The following CPNE4 variants were observed in gnomAD, a reference collection of about 807,000 sequenced individuals.
The protein encoded by CPNE4 is copine 4.
CPNE4 carries 25 observed loss-of-function variants against 67.9 expected under a neutral mutation model. The observed-to-expected ratio is 0.37, with a 90% CI of 0.27 to 0.51. The LOEUF (loss-of-function observed/expected upper bound fraction) is 0.51. Among genes scored for constraint, CPNE4 ranks in the 20% least tolerant of loss-of-function variants. The probability of loss-of-function intolerance (pLI) is 0.93; values close to 1 mark genes in which losing one functional copy is unlikely to be tolerated. For synonymous variants in CPNE4, 242 were observed against 244.9 expected (o/e 0.99, Z 0.11); for missense variants, 464 against 690.8 (o/e 0.67, Z 3.68).
At chr3:131,935,526 A>G (rs1422100156) in intron 1 of CPNE4, among the ~76,000 whole-genome samples, 1 of 152,142 alleles carries the variant, frequency 6.6e-6, no homozygotes, top group Non-Finnish European at 1.5e-5. Context: ...TAAAGAAGGC[A>G]AGGAGCCAAG....
intron 6 of CPNE4, among the ~76,000 whole-genome samples, chr3:131,670,805 T>G (rs2080391669): frequency 1.9e-5 from 1 of 51,902 alleles, no homozygotes; most frequent in African/African-American, 9.3e-5. Context: ...GTGGAAGTCT[T>G]GGAATTTTTT....
At chr3:131,807,168 G>A (rs984115580) in intron 2 of CPNE4, among the ~76,000 whole-genome samples, 6 of 152,160 alleles carry the variant, frequency 3.9e-5, no homozygotes, top group Non-Finnish European at 8.8e-5. Context: ...CCTCTAGAGG[G>A]AAAAGAGTAT....
intron 2 of CPNE4, among the ~76,000 whole-genome samples, chr3:131,887,844 CCA>C (rs1490403385): frequency 6.6e-6 from 1 of 152,136 alleles, no homozygotes; most frequent in Non-Finnish European, 1.5e-5. Context: ...ACTAATGTTT[CCA>C]GGTATAGTCC....
intron 2 of CPNE4, among the ~76,000 whole-genome samples, chr3:131,826,217 C>T (rs1395728057): frequency 6.6e-6 from 1 of 151,858 alleles, no homozygotes; most frequent in African/African-American, 2.4e-5. Flanking sequence ...TTTTTTGAAA[C>T]AGAGTCTCAC....
intron 5 of CPNE4, 129 bp downstream of exon 5, chr3:131,696,413 C>A: frequency 1.3e-6 from 1 of 757,982 alleles, no homozygotes; most frequent in Non-Finnish European, 2.2e-6. Context: ...ACTTTGTAGA[C>A]CTCTCTGAAT....
intron 1 of CPNE4, among the ~76,000 whole-genome samples, chr3:132,022,888 C>T (rs191526075): frequency 1.4e-4 from 21 of 152,260 alleles, no homozygotes; most frequent in Non-Finnish European, 2.6e-4. Context: ...CCCCGTCATT[C>T]GCTTGTTTCC....
At position 132,011,596 on chromosome 3, in the gene CPNE4, AG is replaced by A. The variant is rs370475978; in HGVS notation, c.-2+22970del. 2.5e-3 allele frequency among the ~76,000 whole-genome samples: 383 copies of A among 152,332 alleles called. 3 individuals carry two copies. The highest frequency in any genetic ancestry group is 8.7e-3 in the African/African-American group (360 of 41,572). On this transcript the variant is annotated intron_variant, in intron 1 of 15. Coordinates refer to ENST00000429747, the MANE Select transcript of CPNE4 (RefSeq NM_130808.3). ...TCAGAATCATCATTTAAGAAAGCAA[AG>A]TCAAACCCCAAAAGACAGTTTTGTT...
At chr3:131,961,599 C>G (rs1343807943) in intron 1 of CPNE4, among the ~76,000 whole-genome samples, 2 of 152,148 alleles carry the variant, frequency 1.3e-5, no homozygotes, top group Admixed American at 1.3e-4. Context: ...TATATTACCC[C>G]CTTACAAACA....
In CPNE4 at chr3:131,535,201, T is replaced by C. The variant is rs142827164; in HGVS notation, c.1668A>G (p.Ala556=). ...GTAAAACTGTGTGGGGAGTTCATGG[T>C]GCTAGTGTTCTGGAAGATTCATACA... is the stretch of plus-strand genomic sequence containing the variant. ...SEMYESSRTL[A]P Residue 556 remains alanine (A), a synonymous_variant, in exon 16 of 16, where the codon GCA becomes GCG. Coordinates refer to ENST00000429747, the MANE Select transcript of CPNE4 (RefSeq NM_130808.3). 13 of 1,611,272 alleles carry C rather than the reference T, an allele frequency of 8.1e-6. No homozygotes were observed. In the African/African-American group the frequency reaches 1.3e-4, roughly 17 times the overall value.
chr3:131,575,610 G>A (rs78979168), intron 9 of CPNE4, among the ~76,000 whole-genome samples: 5,527 of 152,190 alleles, frequency 0.036, 297 homozygotes, highest in African/African-American at 0.12. Flanking sequence ...TGCTTCCCCT[G>A]CCATGAACAA....
At chr3:131,839,601 A>G (rs2085695353) in intron 2 of CPNE4, among the ~76,000 whole-genome samples, 1 of 152,074 alleles carries the variant, frequency 6.6e-6, no homozygotes, top group Non-Finnish European at 1.5e-5. Flanking sequence ...TCATTTATAC[A>G]TATATAGTAC....
At chr3:131,838,973 T>C (rs1442111152) in intron 2 of CPNE4, among the ~76,000 whole-genome samples, 1 of 151,896 alleles carries the variant, frequency 6.6e-6, no homozygotes. Flanking sequence ...AAAAGCCTTT[T>C]AAAATAAAGC....
At chr3:131,909,006 T>C (rs572205585) in intron 1 of CPNE4, among the ~76,000 whole-genome samples, 2 of 152,306 alleles carry the variant, frequency 1.3e-5, no homozygotes, top group Admixed American at 1.3e-4. Context: ...CATTCATGCT[T>C]TCACTACCAA....
At chr3:132,028,701 A>G (rs753732621) in intron 1 of CPNE4, among the ~76,000 whole-genome samples, 12 of 152,224 alleles carry the variant, frequency 7.9e-5, no homozygotes, top group Non-Finnish European at 1.5e-4. Context: ...CTCTTCTTAT[A>G]GATCTGCACT....
intron 3 of CPNE4, among the ~76,000 whole-genome samples, chr3:131,705,345 G>A (rs2081392221): frequency 6.6e-6 from 1 of 152,160 alleles, no homozygotes; most frequent in African/African-American, 2.4e-5. Context: ...GCATTTTAAG[G>A]AGACCCTCAG....
chr3:131,853,297 G>A lies in CPNE4; in HGVS notation c.180+51967C>T, dbSNP rs570630688. ...TGTACATTGACTATTTTTCAACAAA[G>A]GCACTAAAGCAATTCAATATGGAAA... On this transcript the variant is annotated intron_variant, in intron 2 of 15. Transcript: ENST00000429747. Among the ~76,000 whole-genome samples the A allele has an allele frequency of 3.3e-5, 5 of 151,784 alleles. No homozygotes were observed. The South Asian group carries it at 8.3e-4, about 25-fold the overall frequency.
rs1264477245 is a variant in CPNE4, at chr3:131,550,134, A to T, written c.1169-54T>A. 9.4e-6 allele frequency: 15 copies of T among 1,587,412 alleles called. No individual in the cohort carries two copies. The Admixed American group carries it at 2.4e-4, about 25-fold the overall frequency. On this transcript the variant is annotated intron_variant, in intron 13 of 15. Transcript: ENST00000429747. ...CTCCAGAGTCACTCCAAATATATTT[A>T]TAGCCAAACACACACAAAAGTAAAG...
At chr3:131,816,493 C>T (rs2084749300) in intron 2 of CPNE4, among the ~76,000 whole-genome samples, 2 of 152,138 alleles carry the variant, frequency 1.3e-5, no homozygotes, top group Non-Finnish European at 2.9e-5. Flanking sequence ...GAAATACGAG[C>T]AGTTTTCTTC....
Position 131,981,238 on chromosome 3 carries a change from T to C in CPNE4, c.-2+53329A>G, listed in dbSNP as rs554522063. Among the ~76,000 whole-genome samples the C allele has an allele frequency of 6.8e-3, 1,024 of 150,228 alleles. 6 individuals carry two copies. Among genetic ancestry groups the C allele is most frequent in the South Asian group, 0.033 (158 of 4,760 alleles). ...AGAATGGGGAGGAACCGGTGGTGGG[T>C]GGGGCCCTAGAACTCCCAAGATTAT... On this transcript the variant is annotated intron_variant, in intron 1 of 15. Coordinates refer to ENST00000429747, the MANE Select transcript of CPNE4 (RefSeq NM_130808.3).
Sources: gnomAD v4.1 joint callset for allele counts (sites outside exome capture counted in the v4.1 genomes callset) on GRCh38, gnomAD v4.1.1 for gene constraint, MANE v1.5 for transcripts, NCBI Gene and HGNC (gene_info 2026-07-23, HGNC 2026-07-21) for gene names.